Variants in LRRC72 observed in about 807,000 individuals in gnomAD.
The protein encoded by LRRC72 is leucine rich repeat containing 72, also known as leucine-rich repeat-containing protein 72.
Under a neutral mutation model 35.8 loss-of-function variants are expected in LRRC72, and 41 were observed. The ratio of observed to expected loss-of-function variants is 1.15; its 90% CI spans 0.89 to 1.49. The LOEUF (loss-of-function observed/expected upper bound fraction) is 1.49, where lower values mean the gene tolerates loss of function less well. Among genes scored for constraint, LRRC72 ranks in the 40% most tolerant of loss-of-function variants. LRRC72 has a pLI of 0.00. For missense variants in LRRC72, 389 were observed against 330.7 expected (o/e 1.18, Z -1.37); for synonymous variants, 118 against 119.2 (o/e 0.99, Z 0.07).
intron 1 of LRRC72, chr7:16,530,574 A>G (rs557356438): frequency 6.6e-5 from 10 of 152,328 alleles, no homozygotes; most frequent in South Asian, 2.1e-4. Flanking sequence ...CCACTTCTCT[A>G]TATTTTGAAA....
chr7:16,535,283 C>A (rs1277344182), intron 2 of LRRC72, among the ~76,000 whole-genome samples: 4 of 152,134 alleles, frequency 2.6e-5, no homozygotes, highest in Non-Finnish European at 4.4e-5. Flanking sequence ...AAGAGACACA[C>A]AATTCTGCTT....
At chr7:16,532,937 A>AC in intron 2 of LRRC72, 1 of 277,436 alleles carries the variant, frequency 3.6e-6, no homozygotes. Context: ...TAGTATAAAT[A>AC]TGTCCCACAT....
At chr7:16,552,212 T>C (rs375052563) in intron 3 of LRRC72, among the ~76,000 whole-genome samples, 19 of 152,184 alleles carry the variant, frequency 1.2e-4, no homozygotes, top group African/African-American at 4.3e-4. Context: ...TTCAGGAACA[T>C]TCAAAAGTTT....
chr7:16,533,575 T>G (rs1440949738), intron 2 of LRRC72, among the ~76,000 whole-genome samples: 1 of 152,154 alleles, frequency 6.6e-6, no homozygotes, highest in African/African-American at 2.4e-5. Context: ...CTCAGCTTCT[T>G]GTAAAGAAAA....
chr7:16,551,038 T>C (rs1286050351), intron 3 of LRRC72, among the ~76,000 whole-genome samples: 2 of 152,274 alleles, frequency 1.3e-5, no homozygotes, highest in African/African-American at 2.4e-5. Context: ...TCCCTCAGAA[T>C]GTGGCTGTAT....
intron 3 of LRRC72, among the ~76,000 whole-genome samples, chr7:16,548,225 G>T (rs1353533064): frequency 2.0e-5 from 3 of 152,194 alleles, no homozygotes; most frequent in Non-Finnish European, 4.4e-5. Context: ...CCTTTGTCTT[G>T]CATACCCTCC....
At chr7:16,531,210 AC>A (rs202010808) in intron 1 of LRRC72, among the ~76,000 whole-genome samples, 3,408 of 151,710 alleles carry the variant, frequency 0.022, 70 homozygotes, top group Non-Finnish European at 0.032. Flanking sequence ...ACAAAAACAA[AC>A]AAAAAAAACA....
chr7:16,571,742 G>C (rs1390588268), intron 7 of LRRC72, among the ~76,000 whole-genome samples: 1 of 152,160 alleles, frequency 6.6e-6, no homozygotes, highest in African/African-American at 2.4e-5. Flanking sequence ...CCAGGGCCCT[G>C]GGTTTCAAGC....
intron 5 of LRRC72, among the ~76,000 whole-genome samples, chr7:16,560,552 C>A (rs1441477454): frequency 1.3e-5 from 2 of 152,046 alleles, no homozygotes; most frequent in African/African-American, 2.4e-5. Flanking sequence ...AGTCACCTGG[C>A]CCCTGTCTGC....
At chr7:16,568,268 C>CA (rs1746842961) in intron 7 of LRRC72, among the ~76,000 whole-genome samples, 2 of 152,170 alleles carry the variant, frequency 1.3e-5, no homozygotes. Context: ...CTCACATCTC[C>CA]ATTCCACGAA....
intron 4 of LRRC72, 27 bp from the exon 5 acceptor site, chr7:16,558,862 C>G (rs1370000589): frequency 1.0e-5 from 13 of 1,305,064 alleles, no homozygotes; most frequent in Non-Finnish European, 1.2e-5. Flanking sequence ...TGTTTAAAAT[C>G]TTGTAAAAAT....
intron 7 of LRRC72, among the ~76,000 whole-genome samples, chr7:16,571,385 A>T (rs1424992018): frequency 6.6e-6 from 1 of 152,154 alleles, no homozygotes; most frequent in Non-Finnish European, 1.5e-5. Flanking sequence ...ATAAATATTT[A>T]CGGTTGTGGT....
At chr7:16,531,032 A>C (rs1256539355) in intron 1 of LRRC72, among the ~76,000 whole-genome samples, 1 of 152,046 alleles carries the variant, frequency 6.6e-6, no homozygotes, top group Admixed American at 6.5e-5. Flanking sequence ...CCCCATCTCT[A>C]CAAAAAATTA....
At position 16,566,323 on chromosome 7, in the gene LRRC72, A is replaced by G. The variant is rs1001522446; in HGVS notation, c.438A>G (p.Gln146=). 4 of 1,538,072 alleles carry G rather than the reference A, an allele frequency of 2.6e-6. No homozygotes were observed. The African/African-American group carries it at 4.1e-5, about 16-fold the overall frequency. ...MLNLKILSLY[Q]NPLCQYNLYR... ...ATTCTTCATTTGCAGGTCTATACCA[A>G]AATCCTTTGTGCCAATATAACCTGT... The change falls in exon 6 of 9, where the codon CAA becomes CAG. Residue 146 remains glutamine (Q), a synonymous_variant. Transcript: ENST00000401542.
chr7:16,559,732 G>C (rs28671496), intron 5 of LRRC72, among the ~76,000 whole-genome samples: 1,828 of 151,990 alleles, frequency 0.012, 43 homozygotes, highest in African/African-American at 0.042. Context: ...GAGAGTAAAG[G>C]GTGTGGGGTT....
chr7:16,555,193 C>T (rs754801156), intron 3 of LRRC72, among the ~76,000 whole-genome samples: 1 of 152,158 alleles, frequency 6.6e-6, no homozygotes, highest in Admixed American at 6.5e-5. Context: ...AGGAGGAGTG[C>T]TGGCATAATT....
intron 3 of LRRC72, among the ~76,000 whole-genome samples, chr7:16,539,980 C>G (rs190624928): frequency 6.6e-6 from 1 of 152,228 alleles, no homozygotes; most frequent in African/African-American, 2.4e-5. Context: ...GGAGCCCCCA[C>G]ACAGAGTCCC....
At chr7:16,566,276 A>G (rs1479817008) in intron 5 of LRRC72, 37 bp from the exon 6 acceptor site, 1 of 1,348,784 alleles carries the variant, frequency 7.4e-7, no homozygotes, top group African/African-American at 1.5e-5. Context: ...ACTGATTTTG[A>G]AATCTGACAT....
chr7:16,577,471 A>G (rs1783061417), intron 7 of LRRC72, among the ~76,000 whole-genome samples: 2 of 152,230 alleles, frequency 1.3e-5, no homozygotes, highest in African/African-American at 4.8e-5. Flanking sequence ...GTGAAGGCCA[A>G]TCAAAGCCTC....
Sources: gnomAD v4.1 joint callset for allele counts (sites outside exome capture counted in the v4.1 genomes callset) on GRCh38, gnomAD v4.1.1 for gene constraint, MANE v1.5 for transcripts, NCBI Gene and HGNC (gene_info 2026-07-23, HGNC 2026-07-21) for gene names.